RFX7: variants seen among roughly 807,000 people sequenced by gnomAD.
RFX7 encodes the protein regulatory factor X7.
Under a neutral mutation model 111.8 loss-of-function variants are expected in RFX7, and 26 were observed. That is an observed-to-expected ratio of 0.23 (90% CI 0.17 to 0.32). The LOEUF (loss-of-function observed/expected upper bound fraction) is 0.32, where lower values mean the gene tolerates loss of function less well. Ranked by LOEUF, RFX7 falls within the 10% of genes least tolerant of loss-of-function variation. The pLI, the probability that RFX7 is intolerant of heterozygous loss-of-function variation, is 1.00. For synonymous variants in RFX7, 624 were observed against 624.4 expected (o/e 1.00, Z 0.01); for missense variants, 1,573 against 1,772.9 (o/e 0.89, Z 2.02).
chr15:56,103,128 G>T (rs904776216), intron 6 of RFX7, among the ~76,000 whole-genome samples: 50 of 123,240 alleles, frequency 4.1e-4, no homozygotes, highest in African/African-American at 1.0e-3. Flanking sequence ...AGTTCCATAA[G>T]ATTTTTTTTT....
chr15:56,225,672 C>CT (rs1236816808), intron 2 of RFX7, among the ~76,000 whole-genome samples: 1 of 152,132 alleles, frequency 6.6e-6, no homozygotes, highest in African/African-American at 2.4e-5. Flanking sequence ...CAACAGGTGC[C>CT]TGCAACAGGT....
intron 2 of RFX7, among the ~76,000 whole-genome samples, chr15:56,233,432 TA>T (rs2043589986): frequency 6.6e-6 from 1 of 152,116 alleles, no homozygotes; most frequent in Non-Finnish European, 1.5e-5. Flanking sequence ...TTATGGGAGC[TA>T]CAATTCAAGA....
At chr15:56,112,379 CAAAAAAAA>C (rs71110374) in intron 5 of RFX7, among the ~76,000 whole-genome samples, 6 of 71,766 alleles carry the variant, frequency 8.4e-5, no homozygotes, top group South Asian at 6.4e-4. Flanking sequence ...GAGTACAAAT[CAAAAAAAA>C]AAAAAAAAAA....
At chr15:56,147,885 T>C (rs1174119659) in intron 3 of RFX7, among the ~76,000 whole-genome samples, 1 of 152,238 alleles carries the variant, frequency 6.6e-6, no homozygotes, top group Non-Finnish European at 1.5e-5. Flanking sequence ...AAAACTCTAA[T>C]TTTTAACAGA....
At chr15:56,218,684 G>T (rs1213231013) in intron 2 of RFX7, among the ~76,000 whole-genome samples, 1 of 152,084 alleles carries the variant, frequency 6.6e-6, no homozygotes, top group Non-Finnish European at 1.5e-5. Flanking sequence ...AACAAAGAAG[G>T]CGATAATCAC....
Position 56,096,623 on chromosome 15 carries a change from G to T in RFX7, c.1108-3C>A. On this transcript the variant is annotated splice_polypyrimidine_tract_variant and splice_region_variant and intron_variant, in intron 9 of 9. Coordinates refer to ENST00000559447, the MANE Select transcript of RFX7 (RefSeq NM_022841.7). ...ACCAATTGCCTAGTCCGCTGGACCTGTTAAAAGATAGCAAAAAATCAGATT... is the reference window on the plus strand; with the variant it reads ...ACCAATTGCCTAGTCCGCTGGACCTTTTAAAAGATAGCAAAAAATCAGATT... 6.4e-7 allele frequency: 1 copy of T among 1,561,182 alleles called. No homozygotes were observed. Among genetic ancestry groups the T allele is most frequent in the South Asian group, 1.2e-5 (1 of 84,932 alleles).
In RFX7 at chr15:56,102,074, G is replaced by A. The variant is rs543306255; in HGVS notation, c.603+95C>T. On this transcript the variant is annotated intron_variant, in intron 7 of 9. Transcript: ENST00000559447. Reference sequence around the variant, plus strand: ...TTTCTTATTTGTAAAAGGCACAGTCGCTAGGCTTAACCAAATGAGACTTTG... The same window carrying A: ...TTTCTTATTTGTAAAAGGCACAGTCACTAGGCTTAACCAAATGAGACTTTG... 9.2e-5 allele frequency: 81 copies of A among 876,638 alleles called. No homozygotes were observed. In the African/African-American group the frequency reaches 1.1e-3, roughly 12 times the overall value. The allele number at this position is 876,638 out of a possible 1,614,324, so 54.3% of individuals were successfully genotyped here.
At chr15:56,147,124 G>T (rs2042487575) in intron 3 of RFX7, among the ~76,000 whole-genome samples, 1 of 152,148 alleles carries the variant, frequency 6.6e-6, no homozygotes, top group African/African-American at 2.4e-5. Context: ...TCTGTTCTAT[G>T]TTGAAATTCG....
At chr15:56,102,342 A>C in intron 6 of RFX7, 89 bp from the exon 7 acceptor site, 1 of 682,114 alleles carries the variant, frequency 1.5e-6, no homozygotes. Context: ...TGAAATGAGA[A>C]AAAAAAATCA....
chr15:56,176,128 T>G (rs985220890), intron 3 of RFX7, among the ~76,000 whole-genome samples: 13 of 151,920 alleles, frequency 8.6e-5, no homozygotes, highest in African/African-American at 2.9e-4. Context: ...ATAGAGAAAC[T>G]AGAGCACAAA....
chr15:56,147,815 C>T (rs560079833), intron 3 of RFX7, among the ~76,000 whole-genome samples: 12 of 152,290 alleles, frequency 7.9e-5, no homozygotes, highest in African/African-American at 1.9e-4. Flanking sequence ...CCTCATGATC[C>T]GCCTGCCTTG....
chr15:56,105,564 C>T (rs1408739207), intron 5 of RFX7, among the ~76,000 whole-genome samples: 5 of 152,118 alleles, frequency 3.3e-5, no homozygotes, highest in African/African-American at 1.2e-4. Context: ...ATCAAATAAA[C>T]AGAGGCAGTG....
At chr15:56,141,022 T>C (rs991329686) in intron 5 of RFX7, among the ~76,000 whole-genome samples, 1 of 152,218 alleles carries the variant, frequency 6.6e-6, no homozygotes, top group Non-Finnish European at 1.5e-5. Context: ...TAGTCTGTTA[T>C]GGAATTGTCA....
At chr15:56,114,218 A>G (rs2041976455) in intron 5 of RFX7, among the ~76,000 whole-genome samples, 1 of 152,064 alleles carries the variant, frequency 6.6e-6, no homozygotes, top group Admixed American at 6.5e-5. Flanking sequence ...AGCCTGGGCA[A>G]CCTGGTGAAA....
intron 3 of RFX7, among the ~76,000 whole-genome samples, chr15:56,177,865 G>A (rs189012685): frequency 1.0e-3 from 153 of 152,168 alleles, no homozygotes; most frequent in Admixed American, 2.7e-3. Flanking sequence ...GAAATGCTCT[G>A]GGGGTTGGTG....
chr15:56,223,087 G>C (rs1240877774), intron 2 of RFX7, among the ~76,000 whole-genome samples: 1 of 152,154 alleles, frequency 6.6e-6, no homozygotes, highest in African/African-American at 2.4e-5. Flanking sequence ...CCAAGGTGCT[G>C]AGCGAGACCT....
At chr15:56,115,832 C>T (rs1413692211) in intron 5 of RFX7, among the ~76,000 whole-genome samples, 1 of 151,638 alleles carries the variant, frequency 6.6e-6, no homozygotes, top group Admixed American at 6.6e-5. Flanking sequence ...GTCTCAGCTA[C>T]GTGGGAGGCT....
rs867592944 is a variant in RFX7, at chr15:56,088,687, C to G, written c.*4658G>C. 6.6e-6 allele frequency: 1 copy of G among 152,018 alleles called. No homozygotes were observed. The highest frequency in any genetic ancestry group is 6.6e-5 in the Admixed American group (1 of 15,254). 9.4% of individuals were successfully genotyped at this position (152,018 alleles called of 1,614,324 possible). A position where few individuals can be genotyped will look rare whatever the true frequency, so the allele number is the denominator to read the frequency against. On this transcript the variant is annotated 3_prime_UTR_variant, in exon 10 of 10. Coordinates refer to ENST00000559447, the MANE Select transcript of RFX7 (RefSeq NM_022841.7). ...TATAACAATGCATGTCAAAATAAAT[C>G]TGTACTTCAGATTTAACAAAATAAA...
chr15:56,171,344 G>C (rs1186745507), intron 3 of RFX7, among the ~76,000 whole-genome samples: 1 of 152,064 alleles, frequency 6.6e-6, no homozygotes, highest in Non-Finnish European at 1.5e-5. Flanking sequence ...CCAAATCAAG[G>C]ACCTTAAGAT....
Sources: gnomAD v4.1 joint callset for allele counts (sites outside exome capture counted in the v4.1 genomes callset) on GRCh38, gnomAD v4.1.1 for gene constraint, MANE v1.5 for transcripts, NCBI Gene and HGNC (gene_info 2026-07-23, HGNC 2026-07-21) for gene names.